NFIX: variants seen among roughly 807,000 people sequenced by gnomAD.
NFIX encodes the protein nuclear factor I X, also known as nuclear factor 1 X-type.
In NFIX, 2 loss-of-function variants were observed where a neutral mutation model predicts 53.3. That is an observed-to-expected ratio of 0.04 (90% CI 0.02 to 0.12). The LOEUF (loss-of-function observed/expected upper bound fraction) is 0.12, where lower values mean the gene tolerates loss of function less well. NFIX is among the 10% of genes least tolerant of loss of function. The pLI, the probability that NFIX is intolerant of heterozygous loss-of-function variation, is 1.00. For synonymous variants in NFIX, 244 were observed against 289.0 expected, an observed-to-expected ratio of 0.84 and a Z score of 1.58; for missense variants, 310 against 674.5, an observed-to-expected ratio of 0.46 and a Z score of 5.99.
Position 13,011,464 on chromosome 19 carries a change from T to G in NFIX, c.28-13557T>G, listed in dbSNP as rs2012338147. Among the ~76,000 whole-genome samples, 1 of 144,172 alleles carries G rather than the reference T, an allele frequency of 6.9e-6. No individual in the cohort carries two copies. Among genetic ancestry groups the G allele is most frequent in the East Asian group, 2.3e-4 (1 of 4,394 alleles). The allele number at this position is 144,172 out of a possible 152,430, so 94.6% of individuals were successfully genotyped here. On this transcript the variant is annotated intron_variant, in intron 1 of 10. Transcript: ENST00000592199. This position sits in a 1 kb window ranked among gnomAD's most constrained non-coding sequence, Gnocchi z 6.5. Reference sequence around the variant, plus strand: ...CTTCGCTCCAGGTGCGCCCGGGCGGTGGAGGCGAGTTCCCTGCGCGCATCA... The same window carrying G: ...CTTCGCTCCAGGTGCGCCCGGGCGGGGGAGGCGAGTTCCCTGCGCGCATCA...
In NFIX at chr19:13,073,462, C is replaced by T. The variant is rs1296002448; in HGVS notation, c.663C>T (p.Val221=). 2.5e-6 allele frequency: 4 copies of T among 1,614,014 alleles called. No individual in the cohort carries two copies. The South Asian group carries it at 4.4e-5, about 18-fold the overall frequency. ...AGGACTGTTTTGTGACTTCCGGGGT[C>T]TGGAATGTGACGGAGCTGGTGAGAG... The part of the protein sequence containing the change: ...SFQDCFVTSG[V]WNVTELVRVS... The change falls in exon 4 of 11, where the codon GTC becomes GTT. Residue 221 remains valine, a synonymous_variant. Coordinates refer to ENST00000592199, the MANE Select transcript of NFIX (RefSeq NM_001365902.3). This position sits in a 1 kb window ranked among gnomAD's most constrained non-coding sequence, Gnocchi z 4.5.
At position 13,024,792 on chromosome 19, in the gene NFIX, GGC is replaced by G; in HGVS notation, c.28-228_28-227del. ...CCCGGTGCCTCTGTCTGGCTGCTGA[GGC>G]TGAGATGGGAGCAAGTGGCTGGCGA... On this transcript the variant is annotated intron_variant, in intron 1 of 10. Transcript: ENST00000592199. 3 of 1,454,826 alleles carry G rather than the reference GGC, an allele frequency of 2.1e-6. No individual in the cohort carries two copies. In the Admixed American group the frequency reaches 5.9e-5, roughly 29 times the overall value. 90.1% of individuals were successfully genotyped at this position (1,454,826 alleles called of 1,614,324 possible).
At chr19:13,048,811 G>A (rs2015149275) in intron 2 of NFIX, among the ~76,000 whole-genome samples, 1 of 152,222 alleles carries the variant, frequency 6.6e-6, no homozygotes, top group African/African-American at 2.4e-5. Flanking sequence ...GGTGGCTCAT[G>A]CCTATAATCC....
At chr19:13,024,566 C>T in intron 1 of NFIX, 1 of 1,534,276 alleles carries the variant, frequency 6.5e-7, no homozygotes, top group Non-Finnish European at 8.7e-7. Flanking sequence ...CGTGTGCGTC[C>T]ACGGGCGTCT....
chr19:13,025,549 C>A lies in NFIX; in HGVS notation c.556C>A (p.Pro186Thr), dbSNP rs372477615. 18 of 1,603,998 alleles carry A rather than the reference C, an allele frequency of 1.1e-5. No homozygotes were observed. Among genetic ancestry groups the A allele is most frequent in the Non-Finnish European group, 1.4e-5 (17 of 1,173,016 alleles). ...DLYLAYFVHT[P>T]ESGQSDSSNQ... ...TTATCTGGCTTACTTTGTCCACACT[C>A]CGGGTAGGTCGTTCTCAACCATTTT... The change falls in exon 2 of 11, where the codon CCG becomes ACG. Residue 186 changes from proline (P) to threonine (T), a missense_variant. Around this residue, in one of 5 missense-constraint regions of NFIX, gnomAD observed 164 missense variants for 284.4 expected, o/e 0.58. Transcript: ENST00000592199. The surrounding 1 kb of genome is among the most constrained non-coding windows in gnomAD (Gnocchi z 7.5).
chr19:13,073,793 T>C lies in NFIX; in HGVS notation c.698-113T>C. ...AGATGGCCCACTTTCTCCCATCTCCTGGCCCCACAGTAAACTCACCCTGGG... is the reference window on the plus strand; with the variant it reads ...AGATGGCCCACTTTCTCCCATCTCCCGGCCCCACAGTAAACTCACCCTGGG... On this transcript the variant is annotated intron_variant, in intron 4 of 10. Transcript: ENST00000592199. This position sits in a 1 kb window ranked among gnomAD's most constrained non-coding sequence, Gnocchi z 4.5. The C allele has an allele frequency of 1.4e-6, 2 of 1,426,946 alleles. No individual in the cohort carries two copies. Among genetic ancestry groups the C allele is most frequent in the Non-Finnish European group, 1.9e-6 (2 of 1,037,068 alleles). The allele number at this position is 1,426,946 out of a possible 1,614,324, so 88.4% of individuals were successfully genotyped here.
chr19:13,093,086 C>T lies in NFIX; in HGVS notation c.1495-1549C>T, dbSNP rs1000791169. On this transcript the variant is annotated intron_variant, in intron 10 of 10. Transcript: ENST00000592199. The surrounding 1 kb of genome is among the most constrained non-coding windows in gnomAD (Gnocchi z 4.7). Reference sequence around the variant, plus strand: ...TCTGCACTGTCCATTGTGGTAGCCACGGGCCACGTGTGGCTGTTTACATTT... The same window carrying T: ...TCTGCACTGTCCATTGTGGTAGCCATGGGCCACGTGTGGCTGTTTACATTT... Among the ~76,000 whole-genome samples, 1 of 152,252 alleles carries T rather than the reference C, an allele frequency of 6.6e-6. No individual in the cohort carries two copies. Among genetic ancestry groups the T allele is most frequent in the Non-Finnish European group, 1.5e-5 (1 of 68,048 alleles).
rs923879197 is a variant in NFIX, at chr19:13,036,230, G to A, written c.559+10678G>A. 2.0e-5 allele frequency among the ~76,000 whole-genome samples: 3 copies of A among 152,330 alleles called. No individual in the cohort carries two copies. Among genetic ancestry groups the A allele is most frequent in the East Asian group, 1.9e-4 (1 of 5,190 alleles). ...CTCCTTCGTGTGGAGTAGACCCTTC[G>A]CCAACTGGCCTGGCGTGTCCGGGAG... On this transcript the variant is annotated intron_variant, in intron 2 of 10. Coordinates refer to ENST00000592199, the MANE Select transcript of NFIX (RefSeq NM_001365902.3). This position sits in a 1 kb window ranked among gnomAD's most constrained non-coding sequence, Gnocchi z 4.7.
chr19:13,016,797 T>C (rs1475815164), intron 1 of NFIX, among the ~76,000 whole-genome samples: 4 of 152,116 alleles, frequency 2.6e-5, no homozygotes, highest in Admixed American at 6.6e-5. Context: ...AGGCCAGCAA[T>C]GAGGGGGAGG....
In NFIX at chr19:13,037,478, T is replaced by G. The variant is rs1026907049; in HGVS notation, c.559+11926T>G. Among the ~76,000 whole-genome samples the G allele has an allele frequency of 6.6e-6, 1 of 152,216 alleles. No individual in the cohort carries two copies. Among genetic ancestry groups the G allele is most frequent in the Non-Finnish European group, 1.5e-5 (1 of 68,034 alleles). ...GAAGAAAGAGGAGACAAGGATAGTA[T>G]TCTGGCCCCAGAAGAAACTATGAGG... On this transcript the variant is annotated intron_variant, in intron 2 of 10. Coordinates refer to ENST00000592199, the MANE Select transcript of NFIX (RefSeq NM_001365902.3). This position sits in a 1 kb window ranked among gnomAD's most constrained non-coding sequence, Gnocchi z 4.2.
chr19:13,045,845 C>G lies in NFIX; in HGVS notation c.559+20293C>G, dbSNP rs1343385435. On this transcript the variant is annotated intron_variant, in intron 2 of 10. Transcript: ENST00000592199. The surrounding 1 kb of genome is among the most constrained non-coding windows in gnomAD (Gnocchi z 4.4). ...CACCTCTCCATGTCCTCGTTGCCGA[C>G]TGAGGCACCTGGGAGTGAGGGGCTT... is the stretch of plus-strand genomic sequence containing the variant. Among the ~76,000 whole-genome samples the G allele has an allele frequency of 6.6e-6, 1 of 152,226 alleles. No individual in the cohort carries two copies. The highest frequency in any genetic ancestry group is 1.5e-5 in the Non-Finnish European group (1 of 68,038).
chr19:13,052,082 TCA>T lies in NFIX; in HGVS notation c.560-20964_560-20963del, dbSNP rs2015362426. On this transcript the variant is annotated intron_variant, in intron 2 of 10. Transcript: ENST00000592199. This position sits in a 1 kb window ranked among gnomAD's most constrained non-coding sequence, Gnocchi z 5.2. ...TTGCAGGATTTGGGACCAAACGCCC[TCA>T]GGCATCCAGGTGGTGCCCGGGTTGA... 6.6e-6 allele frequency among the ~76,000 whole-genome samples: 1 copy of T among 152,164 alleles called. No individual in the cohort carries two copies. Among genetic ancestry groups the T allele is most frequent in the Admixed American group, 6.5e-5 (1 of 15,274 alleles).
rs2015348173 is a variant in NFIX at position 13,051,879 on chromosome 19, C to G, written c.560-21168C>G. Reference sequence around the variant, plus strand: ...GGGCGGGGCGGCTCCCGGGAGCAGCCGGGCGGCTGCGGGAAGGCACTTCTT... The same window carrying G: ...GGGCGGGGCGGCTCCCGGGAGCAGCGGGGCGGCTGCGGGAAGGCACTTCTT... On this transcript the variant is annotated intron_variant, in intron 2 of 10. Transcript: ENST00000592199. This position sits in a 1 kb window ranked among gnomAD's most constrained non-coding sequence, Gnocchi z 5.1. Among the ~76,000 whole-genome samples the G allele has an allele frequency of 6.6e-6, 1 of 151,970 alleles. No homozygotes were observed. Among genetic ancestry groups the G allele is most frequent in the African/African-American group, 2.4e-5 (1 of 41,450 alleles).
intron 10 of NFIX, among the ~76,000 whole-genome samples, chr19:13,091,119 CAGG>C (rs538047688): frequency 1.6e-4 from 25 of 152,206 alleles, no homozygotes; most frequent in Non-Finnish European, 2.6e-4. Flanking sequence ...AGACCCATCT[CAGG>C]AGGAGGACAG....
At chr19:13,008,734 C>T (rs915193491) in intron 1 of NFIX, among the ~76,000 whole-genome samples, 1 of 152,174 alleles carries the variant, frequency 6.6e-6, no homozygotes, top group African/African-American at 2.4e-5. Flanking sequence ...GCTCTGAGCC[C>T]CCTGATGACC....
Position 13,037,297 on chromosome 19 carries a change from C to A in NFIX, c.559+11745C>A, listed in dbSNP as rs375482626. ...CACTTGCTTAAGGGAGACCCGACTT[C>A]TGCACCCGGTCATATCCTCCCCAGG... On this transcript the variant is annotated intron_variant, in intron 2 of 10. Coordinates refer to ENST00000592199, the MANE Select transcript of NFIX (RefSeq NM_001365902.3). This position sits in a 1 kb window ranked among gnomAD's most constrained non-coding sequence, Gnocchi z 4.2. Among the ~76,000 whole-genome samples the A allele has an allele frequency of 3.9e-5, 6 of 152,204 alleles. No homozygotes were observed. The highest frequency in any genetic ancestry group is 1.2e-4 in the African/African-American group (5 of 41,444).
At chr19:13,056,214 T>G (rs1249488490) in intron 2 of NFIX, among the ~76,000 whole-genome samples, 2 of 152,134 alleles carry the variant, frequency 1.3e-5, no homozygotes, top group Non-Finnish European at 2.9e-5. Flanking sequence ...GCTTTGCACA[T>G]GACTCAGGCC....
intron 2 of NFIX, among the ~76,000 whole-genome samples, chr19:13,038,393 C>A (rs2014360349): frequency 6.6e-6 from 1 of 152,122 alleles, no homozygotes; most frequent in Admixed American, 6.6e-5. Flanking sequence ...GCTTCCTGAG[C>A]GTAGCAGTCC....
At chr19:13,023,947 T>TCCCC in intron 1 of NFIX, 1 of 125,128 alleles carries the variant, frequency 8.0e-6, no homozygotes, top group Non-Finnish European at 1.5e-5. Context: ...TCCTCCCCCC[T>TCCCC]CCCCCCACCC....
Sources: allele counts gnomAD v4.1 joint callset (sites outside exome capture counted in the v4.1 genomes callset), GRCh38; gene constraint gnomAD v4.1.1; regional missense constraint gnomAD v4.1.1; non-coding constraint Gnocchi (gnomAD v3.1); transcripts MANE v1.5; gene names NCBI Gene and HGNC (gene_info 2026-07-23, HGNC 2026-07-21).